The following RTL9 variants were observed in gnomAD, a reference collection of about 807,000 sequenced individuals.
The protein encoded by RTL9 is retrotransposon Gag like 9, also known as retrotransposon Gag-like protein 9.
RTL9 carries 19 observed loss-of-function variants against 44.7 expected under a neutral mutation model. The ratio of observed to expected loss-of-function variants is 0.42; its 90% CI spans 0.30 to 0.62. The LOEUF (loss-of-function observed/expected upper bound fraction) is 0.62. Among genes scored for constraint, RTL9 ranks in the 20% least tolerant of loss-of-function variants. The pLI is 0.16. For synonymous variants in RTL9, 407 were observed against 398.9 expected, an observed-to-expected ratio of 1.02 and a Z score of -0.24; for missense variants, 1,105 against 1,080.6, an observed-to-expected ratio of 1.02 and a Z score of -0.32.
intron 1 of RTL9, among the ~76,000 whole-genome samples, chrX:110,379,114 T>C (rs1225498694): frequency 2.7e-5 from 3 of 112,117 alleles, no homozygotes; most frequent in Non-Finnish European, 5.6e-5. Flanking sequence ...TCTTTCATGA[T>C]ACTCGTTATC....
Position 110,438,868 on chromosome X carries a change from T to C in RTL9, c.-167-6285T>C, listed in dbSNP as rs2068858706. Among the ~76,000 whole-genome samples the C allele has an allele frequency of 2.7e-5, 3 of 112,327 alleles. No individual in the cohort carries two copies. The South Asian group carries it at 1.1e-3, about 42-fold the overall frequency. On this transcript the variant is annotated intron_variant, in intron 1 of 3. Transcript: ENST00000465301. ...ACAATGTTCCTTCTATTGTGCTCTG[T>C]GGAAATAAAAGGGCAAAATATGCTT...
At chrX:110,394,355 G>A (rs1391428853) in intron 1 of RTL9, among the ~76,000 whole-genome samples, 1 of 111,349 alleles carries the variant, frequency 9.0e-6, no homozygotes, top group Non-Finnish European at 1.9e-5. Context: ...GGATTCAGGT[G>A]ATCCTCCCAC....
intron 1 of RTL9, among the ~76,000 whole-genome samples, chrX:110,432,927 G>A (rs768237770): frequency 8.0e-5 from 9 of 112,813 alleles, no homozygotes; most frequent in Non-Finnish European, 1.3e-4. Context: ...TGAGGACCCT[G>A]TGGTTCAGGG....
intron 1 of RTL9, among the ~76,000 whole-genome samples, chrX:110,441,745 T>A (rs368854390): frequency 8.9e-6 from 1 of 111,912 alleles, no homozygotes; most frequent in East Asian, 2.8e-4. Flanking sequence ...TGCCACAGAA[T>A]TTCAGTTTTC....
chrX:110,455,404 A>C, exon 2 of RTL9: 1 of 1,103,039 alleles, frequency 9.1e-7, no homozygotes, highest in Non-Finnish European at 1.2e-6. Context: ...ATTAAACTAC[A>C]TTATAAACCT....
At chrX:110,388,555 T>C (rs2068473625) in intron 1 of RTL9, among the ~76,000 whole-genome samples, 2 of 111,835 alleles carry the variant, frequency 1.8e-5, no homozygotes, top group African/African-American at 6.5e-5. Context: ...GATGAAATAA[T>C]AGCAGATATA....
At chrX:110,451,249 T>A (rs1310048981) in exon 1 of RTL9, 9 of 1,210,114 alleles carry the variant, frequency 7.4e-6, no homozygotes, top group Non-Finnish European at 8.9e-6. Context: ...ATGCAAGATA[T>A]GAATCCTGGA....
At chrX:110,369,788 T>C (rs146126451) in intron 1 of RTL9, among the ~76,000 whole-genome samples, 4,939 of 112,144 alleles carry the variant, frequency 0.044, 107 homozygotes, top group African/African-American at 0.081. Context: ...TTTCTTTTTT[T>C]CTCACTTTAT....
At chrX:110,429,430 A>G (rs1225359507) in intron 1 of RTL9, among the ~76,000 whole-genome samples, 1 of 110,112 alleles carries the variant, frequency 9.1e-6, no homozygotes, top group Non-Finnish European at 1.9e-5. Flanking sequence ...TTTGCCATCT[A>G]TAAAACGATG....
At chrX:110,452,519 C>T in exon 1 of RTL9, 2 of 1,211,595 alleles carry the variant, frequency 1.7e-6, no homozygotes, top group Non-Finnish European at 2.2e-6. Flanking sequence ...AAATGACAAC[C>T]ACAGCTTCTG....
Position 110,412,502 on chromosome X carries a change from G to A in RTL9, c.-167-32651G>A, listed in dbSNP as rs143624706. ...CTCCTCTAGCTTTTATGAGCTGTGT[G>A]ACTTCGACCAAGTTTCTAACCTCTC... On this transcript the variant is annotated intron_variant, in intron 1 of 2. Transcript: ENST00000520821. Among the ~76,000 whole-genome samples, 460 of 112,022 alleles carry A rather than the reference G, an allele frequency of 4.1e-3. 2 individuals carry two copies. The highest frequency in any genetic ancestry group is 0.013 in the African/African-American group (413 of 30,834).
At chrX:110,416,496 G>A (rs750380401), upstream of RTL9, among the ~76,000 whole-genome samples, 19 of 110,796 alleles carry the variant, frequency 1.7e-4, no homozygotes, top group Non-Finnish European at 3.0e-4. Flanking sequence ...TGAATCACTT[G>A]CCCGGGGTCA....
In RTL9 at chrX:110,406,351, G is replaced by A. The variant is rs1196770753; in HGVS notation, c.-167-38802G>A. ...AACTCCCACTTATGAGTGAGGACATGCGGTGTTTGGTTTTCTGATCTTGCG... is the reference window on the plus strand; with the variant it reads ...AACTCCCACTTATGAGTGAGGACATACGGTGTTTGGTTTTCTGATCTTGCG... On this transcript the variant is annotated intron_variant, in intron 1 of 2. Coordinates refer to the RTL9 transcript ENST00000520821. Among the ~76,000 whole-genome samples, 3 of 109,381 alleles carry A rather than the reference G, an allele frequency of 2.7e-5. No homozygotes were observed. In the South Asian group the frequency reaches 1.2e-3, roughly 45 times the overall value. 95.0% of individuals were successfully genotyped at this position (109,381 alleles called of 115,157 possible). A position where few individuals can be genotyped will look rare whatever the true frequency, so the allele number is the denominator to read the frequency against.
chrX:110,422,222 A>G (rs1341516286), intron 1 of RTL9, among the ~76,000 whole-genome samples: 1 of 112,392 alleles, frequency 8.9e-6, no homozygotes, highest in Non-Finnish European at 1.9e-5. Context: ...ATTGGCCCAG[A>G]ACCAGGAACT....
chrX:110,452,772 C>T lies in RTL9; in HGVS notation c.2155C>T (p.Leu719Phe), dbSNP rs764969366. Residue 719 changes from leucine to phenylalanine, a missense_variant, in exon 1 of 2, where the codon CTC becomes TTC. By Grantham distance (22) the Leu-to-Phe change is conservative. Transcript: ENST00000540313. ...GAGAGCCAAAGTGTCTGGAAAGATGCTCAGTCAGCCAATGAGCACCCAAGA... is the reference window on the plus strand; with the variant it reads ...GAGAGCCAAAGTGTCTGGAAAGATGTTCAGTCAGCCAATGAGCACCCAAGA... 5.0e-6 allele frequency: 6 copies of T among 1,209,031 alleles called. No individual in the cohort carries two copies. The Admixed American group carries it at 6.6e-5, about 13-fold the overall frequency.
intron 1 of RTL9, among the ~76,000 whole-genome samples, chrX:110,420,891 G>A (rs916701054): frequency 9.0e-5 from 10 of 111,488 alleles, no homozygotes; most frequent in Non-Finnish European, 1.9e-4. Context: ...CTGCCCTACT[G>A]TGCCCCGTCC....
At position 110,429,472 on chromosome X, in the gene RTL9, T is replaced by G. The variant is rs5942924; in HGVS notation, c.-168+10337T>G. ...AGAGAAAAAGTGTTTTTTTTTTTTT[T>G]TGTTTTGTTTTTTTGGTTTTTTTGT... On this transcript the variant is annotated intron_variant, in intron 1 of 3. Coordinates refer to the RTL9 transcript ENST00000465301. Among the ~76,000 whole-genome samples, 1,218 of 76,526 alleles carry G rather than the reference T, an allele frequency of 0.016. 34 individuals carry two copies. In the African/African-American group the frequency reaches 0.17, roughly 10 times the overall value. The allele number at this position is 76,526 out of a possible 115,157, so 66.5% of individuals were successfully genotyped here.
intron 1 of RTL9, among the ~76,000 whole-genome samples, chrX:110,425,984 AC>A (rs2068750702): frequency 8.9e-6 from 1 of 112,097 alleles, no homozygotes; most frequent in Non-Finnish European, 1.9e-5. Context: ...GTGCGCGCAC[AC>A]ACACACACAC....
At chrX:110,452,521 C>T (rs772046324) in exon 1 of RTL9, 3 of 1,211,524 alleles carry the variant, frequency 2.5e-6, no homozygotes, top group Admixed American at 4.3e-5. Flanking sequence ...ATGACAACCA[C>T]AGCTTCTGAA....
Sources: gnomAD v4.1 joint callset for allele counts (sites outside exome capture counted in the v4.1 genomes callset) on GRCh38, gnomAD v4.1.1 for gene constraint, MANE v1.5 for transcripts, NCBI Gene and HGNC (gene_info 2026-07-23, HGNC 2026-07-21) for gene names.